The following BNC2 variants were observed in gnomAD, a reference collection of about 807,000 sequenced individuals.
BNC2 encodes the protein zinc finger protein basonuclin-2.
BNC2 carries 20 observed loss-of-function variants against 76.3 expected under a neutral mutation model. The ratio of observed to expected loss-of-function variants is 0.26; its 90% CI spans 0.18 to 0.38. The LOEUF (loss-of-function observed/expected upper bound fraction) is 0.38, where lower values mean the gene tolerates loss of function less well. BNC2 is among the 10% of genes least tolerant of loss of function. The pLI, the probability that BNC2 is intolerant of heterozygous loss-of-function variation, is 1.00. For missense variants in BNC2, 1,382 were observed against 1,399.8 expected (o/e 0.99, Z 0.20); for synonymous variants, 582 against 514.8 (o/e 1.13, Z -1.77).
intron 4 of BNC2, among the ~76,000 whole-genome samples, chr9:16,553,718 C>A (rs7022813): frequency 6.6e-6 from 1 of 152,080 alleles, no homozygotes; most frequent in South Asian, 2.1e-4. Flanking sequence ...GAAACGCCAT[C>A]TCTTCTCTAG....
intron 5 of BNC2, among the ~76,000 whole-genome samples, chr9:16,529,084 G>A (rs1324070691): frequency 6.6e-6 from 1 of 152,138 alleles, no homozygotes; most frequent in Non-Finnish European, 1.5e-5. Flanking sequence ...CTTCTGCTCT[G>A]TATGTAATCT....
At chr9:16,753,593 G>C (rs918102184) in intron 1 of BNC2, among the ~76,000 whole-genome samples, 1 of 152,152 alleles carries the variant, frequency 6.6e-6, no homozygotes, top group Non-Finnish European at 1.5e-5. Context: ...ACAGACTCAA[G>C]TTTTTAACAG....
At chr9:16,499,664 G>C (rs747957170) in intron 5 of BNC2, among the ~76,000 whole-genome samples, 1 of 151,446 alleles carries the variant, frequency 6.6e-6, no homozygotes, top group Non-Finnish European at 1.5e-5. Context: ...CAAGTAGCTG[G>C]GACTACAGGC....
chr9:16,814,874 T>C (rs959506823), intron 1 of BNC2, among the ~76,000 whole-genome samples: 3 of 152,264 alleles, frequency 2.0e-5, no homozygotes, highest in East Asian at 1.9e-4. Flanking sequence ...TCTTCCCTAT[T>C]AGTTCTAAGA....
At chr9:16,616,837 A>T (rs117740672) in intron 3 of BNC2, among the ~76,000 whole-genome samples, 1 of 149,932 alleles carries the variant, frequency 6.7e-6, no homozygotes, top group Admixed American at 6.7e-5. Flanking sequence ...GGAAGGAAGG[A>T]AGTTCTACTG....
chr9:16,728,987 G>A (rs1240277582), intron 2 of BNC2, among the ~76,000 whole-genome samples: 1 of 151,980 alleles, frequency 6.6e-6, no homozygotes, highest in Non-Finnish European at 1.5e-5. Flanking sequence ...AACAAAAAAA[G>A]CCTGTCCCAT....
chr9:16,536,238 C>T (rs1685290441), intron 5 of BNC2, among the ~76,000 whole-genome samples: 2 of 151,908 alleles, frequency 1.3e-5, no homozygotes, highest in South Asian at 4.1e-4. Context: ...CCTTTCTATA[C>T]CTCATCCAAA....
chr9:16,653,101 G>T (rs1821836983), intron 3 of BNC2, among the ~76,000 whole-genome samples: 1 of 152,116 alleles, frequency 6.6e-6, no homozygotes, highest in African/African-American at 2.4e-5. Flanking sequence ...CAGAATAAAT[G>T]AATTTTTTAA....
intron 3 of BNC2, chr9:16,685,461 T>C: frequency 3.9e-6 from 3 of 772,422 alleles, no homozygotes; most frequent in Non-Finnish European, 5.9e-6. Context: ...CTTTTCCTGA[T>C]GACGCTGATA....
intron 3 of BNC2, among the ~76,000 whole-genome samples, chr9:16,646,346 A>G (rs897518775): frequency 6.6e-5 from 10 of 152,216 alleles, no homozygotes; most frequent in Non-Finnish European, 1.0e-4. Context: ...TGTCTCCACT[A>G]TATAGAAACA....
chr9:16,712,091 T>G (rs1218896756), intron 3 of BNC2, among the ~76,000 whole-genome samples: 1 of 152,210 alleles, frequency 6.6e-6, no homozygotes, highest in Non-Finnish European at 1.5e-5. Context: ...ACAAAAATGT[T>G]ACCTGTGTAC....
intron 3 of BNC2, among the ~76,000 whole-genome samples, chr9:16,584,716 A>C (rs1819723157): frequency 6.6e-6 from 1 of 152,190 alleles, no homozygotes; most frequent in Non-Finnish European, 1.5e-5. Flanking sequence ...AATTTCAATA[A>C]TTTGTTAACT....
intron 1 of BNC2, among the ~76,000 whole-genome samples, chr9:16,808,624 G>A (rs1425520437): frequency 6.6e-6 from 1 of 151,338 alleles, no homozygotes; most frequent in Non-Finnish European, 1.5e-5. Context: ...GAGTAACTGG[G>A]ACTACAGGCG....
At chr9:16,515,540 G>A (rs1172950998) in intron 5 of BNC2, among the ~76,000 whole-genome samples, 2 of 152,000 alleles carry the variant, frequency 1.3e-5, no homozygotes, top group Non-Finnish European at 2.9e-5. Context: ...AGTTGGGATG[G>A]ATCCCGTTAA....
At chr9:16,510,822 T>C (rs981238291) in intron 5 of BNC2, among the ~76,000 whole-genome samples, 40 of 152,346 alleles carry the variant, frequency 2.6e-4, no homozygotes, top group African/African-American at 7.5e-4. Flanking sequence ...GTGAGGGAAC[T>C]GAAAATTTAA....
chr9:16,741,649 A>G (rs953032908), intron 1 of BNC2, among the ~76,000 whole-genome samples: 18 of 152,036 alleles, frequency 1.2e-4, no homozygotes, highest in Non-Finnish European at 2.4e-4. Flanking sequence ...ACAAAGAGAA[A>G]AATACCTTGC....
At chr9:16,658,029 C>T (rs898531399) in intron 3 of BNC2, among the ~76,000 whole-genome samples, 5 of 152,098 alleles carry the variant, frequency 3.3e-5, no homozygotes, top group Admixed American at 6.5e-5. Context: ...AATAATAGAC[C>T]GGAATTTCGG....
rs533035939 is a variant in BNC2, at chr9:16,469,178, A to G, written c.670-31654T>C. On this transcript the variant is annotated intron_variant, in intron 5 of 6. Coordinates refer to ENST00000380672, the MANE Select transcript of BNC2 (RefSeq NM_017637.6). ...AAAACTTGCTTTCACCTACAGCAAT[A>G]AGCAGCTCAGAAAAAGTGAACATGC... 3.5e-5 allele frequency among the ~76,000 whole-genome samples: 5 copies of G among 141,674 alleles called. No homozygotes were observed. In the South Asian group the frequency reaches 9.4e-4, roughly 27 times the overall value. 92.9% of individuals were successfully genotyped at this position (141,674 alleles called of 152,430 possible).
intron 5 of BNC2, among the ~76,000 whole-genome samples, chr9:16,443,045 T>G (rs1489072422): frequency 6.9e-6 from 1 of 144,578 alleles, no homozygotes; most frequent in Non-Finnish European, 1.5e-5. Context: ...GAAGTGAAGG[T>G]TGCAGAGTGA....
Sources: gnomAD v4.1 joint callset for allele counts (sites outside exome capture counted in the v4.1 genomes callset) on GRCh38, gnomAD v4.1.1 for gene constraint, MANE v1.5 for transcripts, NCBI Gene and HGNC (gene_info 2026-07-23, HGNC 2026-07-21) for gene names.